Variants in ADAMTS20 observed in about 807,000 individuals in gnomAD.
ADAMTS20 encodes A disintegrin and metalloproteinase with thrombospondin motifs 20.
Under a neutral mutation model 260.1 loss-of-function variants are expected in ADAMTS20, and 225 were observed. The ratio of observed to expected loss-of-function variants is 0.87; its 90% CI spans 0.78 to 0.97. The LOEUF (loss-of-function observed/expected upper bound fraction) is 0.97. Among genes scored for constraint, ADAMTS20 ranks in the 50% least tolerant of loss-of-function variants. The probability of loss-of-function intolerance (pLI) is 0.00; values close to 1 mark genes in which losing one functional copy is unlikely to be tolerated. For synonymous variants in ADAMTS20, 802 were observed against 769.5 expected (o/e 1.04, Z -0.70); for missense variants, 2,400 against 2,337.7 (o/e 1.03, Z -0.55).
chr12:43,385,566 G>A (rs941989107), intron 29 of ADAMTS20, among the ~76,000 whole-genome samples: 4 of 152,154 alleles, frequency 2.6e-5, no homozygotes, highest in Non-Finnish European at 5.9e-5. Context: ...TTCTTTTAGA[G>A]ATGTTATGGT....
At chr12:43,356,746 A>T (rs905031883) in intron 37 of ADAMTS20, among the ~76,000 whole-genome samples, 158 bp from the exon 38 acceptor site, 1 of 152,228 alleles carries the variant, frequency 6.6e-6, no homozygotes, top group Non-Finnish European at 1.5e-5. Flanking sequence ...TGATTCGACA[A>T]TTAGAACTAA....
At chr12:43,521,911 C>T (rs1174617987) in intron 3 of ADAMTS20, among the ~76,000 whole-genome samples, 4 of 151,884 alleles carry the variant, frequency 2.6e-5, no homozygotes, top group African/African-American at 4.8e-5. Context: ...GCTGGAGAGC[C>T]CTGTTCTAAC....
At chr12:43,466,482 T>C (rs936899268) in intron 9 of ADAMTS20, among the ~76,000 whole-genome samples, 170 bp downstream of exon 9, 4 of 151,754 alleles carry the variant, frequency 2.6e-5, no homozygotes, top group African/African-American at 4.8e-5. Flanking sequence ...TATATATATA[T>C]GTACACATGA....
At chr12:43,518,247 C>T (rs1042790090) in intron 3 of ADAMTS20, among the ~76,000 whole-genome samples, 7 of 152,118 alleles carry the variant, frequency 4.6e-5, no homozygotes, top group African/African-American at 1.7e-4. Context: ...CAAATATTCT[C>T]AAGCACATTC....
chr12:43,430,988 C>CA (rs1184528169), intron 22 of ADAMTS20, among the ~76,000 whole-genome samples: 1 of 152,156 alleles, frequency 6.6e-6, no homozygotes, highest in East Asian at 1.9e-4. Context: ...GCCTGTTCAG[C>CA]AAAACGTCTA....
Position 43,354,065 on chromosome 12 carries a change from TCCC to T in ADAMTS20, c.*141_*143del, listed in dbSNP as rs1939690634. Reference sequence around the variant, plus strand: ...AGACCTTATTAAGCAGTGATTTGAATCCCTGATGAGCACCCTGAAAAAAAGGCA... The same window carrying T: ...AGACCTTATTAAGCAGTGATTTGAATTGATGAGCACCCTGAAAAAAAGGCA... On this transcript the variant is annotated 3_prime_UTR_variant, in exon 39 of 39. Transcript: ENST00000389420. The T allele has an allele frequency of 1.9e-6, 1 of 522,992 alleles. No homozygotes were observed. Among genetic ancestry groups the T allele is most frequent in the Admixed American group, 3.7e-5 (1 of 27,316 alleles). The allele number at this position is 522,992 out of a possible 1,614,324, so 32.4% of individuals were successfully genotyped here.
chr12:43,511,104 T>C (rs780196435), intron 3 of ADAMTS20, among the ~76,000 whole-genome samples: 1 of 152,088 alleles, frequency 6.6e-6, no homozygotes, highest in Non-Finnish European at 1.5e-5. Context: ...TTCAAAATGC[T>C]CCTTGTATTG....
chr12:43,463,134 T>A, intron 10 of ADAMTS20, 135 bp from the exon 11 acceptor site: 1 of 477,466 alleles, frequency 2.1e-6, no homozygotes, highest in Non-Finnish European at 3.6e-6. Context: ...AATCAGCAAA[T>A]TTTTTTACTA....
chr12:43,543,721 G>T (rs1592118125), intron 2 of ADAMTS20, among the ~76,000 whole-genome samples: 1 of 152,094 alleles, frequency 6.6e-6, no homozygotes, highest in African/African-American at 2.4e-5. Flanking sequence ...GACTATTGGT[G>T]ATCACCAATA....
intron 5 of ADAMTS20, among the ~76,000 whole-genome samples, 168 bp downstream of exon 5, chr12:43,493,002 T>C (rs1196245366): frequency 6.6e-6 from 1 of 152,202 alleles, no homozygotes; most frequent in African/African-American, 2.4e-5. Flanking sequence ...CTGTTGTCAT[T>C]CTATTTTATT....
At chr12:43,398,310 C>A (rs550608654) in intron 29 of ADAMTS20, among the ~76,000 whole-genome samples, 7 of 152,196 alleles carry the variant, frequency 4.6e-5, no homozygotes, top group African/African-American at 1.7e-4. Context: ...CATGCCTACC[C>A]GAATTTAAAT....
At chr12:43,411,810 A>G (rs1000094887) in intron 28 of ADAMTS20, among the ~76,000 whole-genome samples, 1 of 152,218 alleles carries the variant, frequency 6.6e-6, no homozygotes, top group African/African-American at 2.4e-5. Flanking sequence ...ACTGAGTTTT[A>G]TCCATCATAG....
At chr12:43,416,886 T>A (rs1941143148) in intron 28 of ADAMTS20, among the ~76,000 whole-genome samples, 1 of 152,122 alleles carries the variant, frequency 6.6e-6, no homozygotes, top group Admixed American at 6.5e-5. Context: ...CTGGTACCTC[T>A]TTTCCCAATC....
intron 29 of ADAMTS20, among the ~76,000 whole-genome samples, chr12:43,387,060 A>T (rs992358586): frequency 1.3e-5 from 2 of 152,100 alleles, no homozygotes; most frequent in South Asian, 2.1e-4. Context: ...TCTGCAGGAG[A>T]AGAGGCATTC....
chr12:43,493,189 A>T lies in ADAMTS20; in HGVS notation c.932T>A (p.Val311Asp). The T allele has an allele frequency of 6.4e-7, 1 of 1,562,450 alleles. No individual in the cohort carries two copies. Residue 311 changes from valine to aspartate, a missense_variant, in exon 5 of 39, where the codon GTT becomes GAT. Val to Asp is a radical substitution (Grantham distance 152). Coordinates refer to ENST00000389420, the MANE Select transcript of ADAMTS20 (RefSeq NM_025003.5). Reference sequence around the variant, plus strand: ...TCTTACCTCCTCACGGTGAATCATAACTAATTTTACCACTACTATGTGTAT... The same window carrying T: ...TCTTACCTCCTCACGGTGAATCATATCTAATTTTACCACTACTATGTGTAT... ...NLIHIVVVKL[V>D]MIHREEEGPV...
At chr12:43,538,953 C>CTTTTTTTTT (rs36106874) in intron 2 of ADAMTS20, among the ~76,000 whole-genome samples, 15 of 117,552 alleles carry the variant, frequency 1.3e-4, no homozygotes, top group African/African-American at 2.9e-4. Flanking sequence ...TATGAACATT[C>CTTTTTTTTT]TTTTTTTTTT....
intron 31 of ADAMTS20, 47 bp from the exon 32 acceptor site, chr12:43,377,609 C>T (rs1157071311): frequency 6.6e-7 from 1 of 1,503,810 alleles, no homozygotes; most frequent in African/African-American, 1.4e-5. Flanking sequence ...TAACTTTAGC[C>T]AGGGCCTAAT....
At position 43,354,011 on chromosome 12, in the gene ADAMTS20, A is replaced by C. The variant is rs1939689525; in HGVS notation, c.*198T>G. 1 of 399,120 alleles carries C rather than the reference A, an allele frequency of 2.5e-6. No homozygotes were observed. The highest frequency in any genetic ancestry group is 4.5e-6 in the Non-Finnish European group (1 of 223,238). The allele number at this position is 399,120 out of a possible 1,614,324, so 24.7% of individuals were successfully genotyped here. On this transcript the variant is annotated 3_prime_UTR_variant, in exon 39 of 39. Transcript: ENST00000389420. ...AAATATCCTGATTAGATATAAAATA[A>C]ATTAAGATAGCTCTTAAATTTCTTT...
intron 18 of ADAMTS20, among the ~76,000 whole-genome samples, chr12:43,438,563 C>A (rs1941600108): frequency 6.6e-6 from 1 of 152,108 alleles, no homozygotes; most frequent in Non-Finnish European, 1.5e-5. Context: ...TGTCCAGATG[C>A]CACAGGACCA....
Sources: allele counts gnomAD v4.1 joint callset (sites outside exome capture counted in the v4.1 genomes callset), GRCh38; gene constraint gnomAD v4.1.1; transcripts MANE v1.5; gene names NCBI Gene and HGNC (gene_info 2026-07-23, HGNC 2026-07-21).